BMP2: variants seen among roughly 807,000 people sequenced by gnomAD.
The protein encoded by BMP2 is bone morphogenetic protein 2A.
Under a neutral mutation model 28.8 loss-of-function variants are expected in BMP2, and 2 were observed. That is an observed-to-expected ratio of 0.07 (90% CI 0.03 to 0.22). The LOEUF (loss-of-function observed/expected upper bound fraction) is 0.22. Among genes scored for constraint, BMP2 ranks in the 10% least tolerant of loss-of-function variants. The pLI, the probability that BMP2 is intolerant of heterozygous loss-of-function variation, is 1.00. For missense variants in BMP2, 437 were observed against 517.7 expected, an observed-to-expected ratio of 0.84 and a Z score of 1.51; for synonymous variants, 218 against 204.3, an observed-to-expected ratio of 1.07 and a Z score of -0.57.
chr20:6,770,304 A>G lies in BMP2; in HGVS notation c.178A>G (p.Met60Val), dbSNP rs773113395. 6.2e-6 allele frequency: 10 copies of G among 1,613,348 alleles called. 1 individual carries two copies. The South Asian group carries it at 1.1e-4, about 18-fold the overall frequency. The stretch of plus-strand genomic sequence containing the variant: ...CGAGTTCGAGTTGCGGCTGCTCAGC[A>G]TGTTCGGCCTGAAACAGAGACCCAC... Reference protein sequence around the residue: ...LSEFELRLLSMFGLKQRPTPS... With the variant: ...LSEFELRLLSVFGLKQRPTPS... The change falls in exon 2 of 3, where the codon ATG becomes GTG. Residue 60 changes from methionine (M) to valine (V), a missense_variant. By Grantham distance (21) the Met-to-Val change is conservative. Around this residue, in one of 2 missense-constraint regions of BMP2, gnomAD observed 363 missense variants for 392.8 expected, o/e 0.92. Transcript: ENST00000378827.
At chr20:6,774,581 A>G (rs1378774173) in intron 2 of BMP2, among the ~76,000 whole-genome samples, 2 of 152,188 alleles carry the variant, frequency 1.3e-5, no homozygotes, top group African/African-American at 4.8e-5. Context: ...AGCGCAGTAG[A>G]TTCAATTATA....
rs1278829598 is a variant in BMP2 at position 6,768,785 on chromosome 20, C to T, written c.-98C>T. 1 of 398,454 alleles carries T rather than the reference C, an allele frequency of 2.5e-6. No individual in the cohort carries two copies. Among genetic ancestry groups the T allele is most frequent in the Non-Finnish European group, 4.4e-6 (1 of 226,068 alleles). The allele number at this position is 398,454 out of a possible 1,614,324, so 24.7% of individuals were successfully genotyped here. A position where few individuals can be genotyped will look rare whatever the true frequency, so the allele number is the denominator to read the frequency against. On this transcript the variant is annotated 5_prime_UTR_variant, in exon 1 of 3. Coordinates refer to ENST00000378827, the MANE Select transcript of BMP2 (RefSeq NM_001200.4). Reference sequence around the variant, plus strand: ...AAGGAACGGACATTCGGTCCTTGCGCCAGGTCCTTTGACCAGAGTTTTTCC... The same window carrying T: ...AAGGAACGGACATTCGGTCCTTGCGTCAGGTCCTTTGACCAGAGTTTTTCC...
chr20:6,777,440 G>A (rs970153187), intron 2 of BMP2, among the ~76,000 whole-genome samples: 2 of 152,032 alleles, frequency 1.3e-5, no homozygotes, highest in Non-Finnish European at 2.9e-5. Flanking sequence ...AACTATAAAG[G>A]CATTGCAAAC....
intron 2 of BMP2, among the ~76,000 whole-genome samples, chr20:6,773,433 T>C (rs1986438415): frequency 6.6e-6 from 1 of 152,250 alleles, no homozygotes; most frequent in South Asian, 2.1e-4. Context: ...AGATTGAGGC[T>C]TTGGTGTCCA....
chr20:6,768,729 C>T lies in BMP2; in HGVS notation c.-154C>T. On this transcript the variant is annotated 5_prime_UTR_variant, in exon 1 of 3. Coordinates refer to ENST00000378827, the MANE Select transcript of BMP2 (RefSeq NM_001200.4). Reference sequence around the variant, plus strand: ...CAGCGTGAAAAGAGAGACTGCGCGGCCGGCACCCGGGAGAAGGAGGAGGCA... The same window carrying T: ...CAGCGTGAAAAGAGAGACTGCGCGGTCGGCACCCGGGAGAAGGAGGAGGCA... The T allele has an allele frequency of 2.5e-6, 1 of 397,586 alleles. No homozygotes were observed. 24.6% of individuals were successfully genotyped at this position (397,586 alleles called of 1,614,324 possible).
At position 6,767,835 on chromosome 20, in the gene BMP2, A is replaced by G; in HGVS notation, c.-1048A>G. ...GCCACAGCCTCCGCCGGCTACCCGAACGTTCTCGGGGCCAGCGCCGAGTGG... is the reference window on the plus strand; with the variant it reads ...GCCACAGCCTCCGCCGGCTACCCGAGCGTTCTCGGGGCCAGCGCCGAGTGG... On this transcript the variant is annotated 5_prime_UTR_variant, in exon 1 of 3. Transcript: ENST00000378827. 2 of 339,898 alleles carry G rather than the reference A, an allele frequency of 5.9e-6. No individual in the cohort carries two copies. Among genetic ancestry groups the G allele is most frequent in the Non-Finnish European group, 5.3e-6 (1 of 189,508 alleles). 21.1% of individuals were successfully genotyped at this position (339,898 alleles called of 1,614,324 possible).
In BMP2 at chr20:6,780,205, A is replaced by G. The variant is rs1043966147; in HGVS notation, c.*1116A>G. The stretch of plus-strand genomic sequence containing the variant: ...TGTGTGTTTGAACACATTTCTCCAA[A>G]TGTTAAACCTATTTCAGATAATAAA... On this transcript the variant is annotated 3_prime_UTR_variant, in exon 3 of 3. Transcript: ENST00000378827. The G allele has an allele frequency of 3.9e-5, 6 of 152,594 alleles. No individual in the cohort carries two copies. The highest frequency in any genetic ancestry group is 5.9e-5 in the Non-Finnish European group (4 of 68,032). The allele number at this position is 152,594 out of a possible 1,614,324, so 9.5% of individuals were successfully genotyped here.
chr20:6,778,164 A>G lies in BMP2; in HGVS notation c.347-81A>G. On this transcript the variant is annotated intron_variant, in intron 2 of 2. Coordinates refer to ENST00000378827, the MANE Select transcript of BMP2 (RefSeq NM_001200.4). The surrounding 1 kb of genome is among the most constrained non-coding windows in gnomAD (Gnocchi z 5.0). ...CCCACGATGAGGTTTAAAAATTCTC[A>G]TAGATAATCAAACGTCATTACTTGG... is the stretch of plus-strand genomic sequence containing the variant. 1.3e-6 allele frequency: 2 copies of G among 1,512,416 alleles called. No homozygotes were observed. Among genetic ancestry groups the G allele is most frequent in the East Asian group, 2.3e-5 (1 of 44,026 alleles). 93.7% of individuals were successfully genotyped at this position (1,512,416 alleles called of 1,614,324 possible). A position where few individuals can be genotyped will look rare whatever the true frequency, so the allele number is the denominator to read the frequency against.
intron 2 of BMP2, among the ~76,000 whole-genome samples, chr20:6,774,807 C>T: frequency 6.6e-6 from 1 of 152,142 alleles, no homozygotes; most frequent in East Asian, 1.9e-4. Context: ...AATGTTATAG[C>T]CTTTCCTTCT....
intron 2 of BMP2, among the ~76,000 whole-genome samples, chr20:6,776,082 G>A (rs1259505323): frequency 6.6e-6 from 1 of 152,114 alleles, no homozygotes; most frequent in Non-Finnish European, 1.5e-5. Flanking sequence ...ATTACCTTCA[G>A]CAGAAACGTC....
chr20:6,774,425 C>T (rs1986459285), intron 2 of BMP2, among the ~76,000 whole-genome samples: 1 of 152,098 alleles, frequency 6.6e-6, no homozygotes, highest in African/African-American at 2.4e-5. Context: ...AATTGGGAGG[C>T]TGAGATGGGA....
intron 2 of BMP2, among the ~76,000 whole-genome samples, chr20:6,775,387 C>A (rs1250214118): frequency 1.3e-5 from 2 of 152,108 alleles, no homozygotes. Context: ...ACCTCTGTGA[C>A]CTGTTTCTGC....
In BMP2 at chr20:6,768,893, G is replaced by A. The variant is rs189454574; in HGVS notation, c.-8+18G>A. 7.5e-6 allele frequency: 3 copies of A among 398,704 alleles called. No homozygotes were observed. In the Admixed American group the frequency reaches 1.3e-4, roughly 18 times the overall value. 24.7% of individuals were successfully genotyped at this position (398,704 alleles called of 1,614,324 possible). A position where few individuals can be genotyped will look rare whatever the true frequency, so the allele number is the denominator to read the frequency against. ...TCCTAAAGGTAGAGGACGCGGGCCAGGGCCCGGGGTGGGTGGTGGGTGGGA... is the reference window on the plus strand; with the variant it reads ...TCCTAAAGGTAGAGGACGCGGGCCAAGGCCCGGGGTGGGTGGTGGGTGGGA... On this transcript the variant is annotated intron_variant, in intron 1 of 2. Coordinates refer to ENST00000378827, the MANE Select transcript of BMP2 (RefSeq NM_001200.4).
At chr20:6,773,482 GT>G (rs1428080537) in intron 2 of BMP2, among the ~76,000 whole-genome samples, 1 of 152,206 alleles carries the variant, frequency 6.6e-6, no homozygotes, top group African/African-American at 2.4e-5. Flanking sequence ...CGTTCCACCT[GT>G]TTTTTAGTGG....
chr20:6,773,195 T>C (rs1986434178), intron 2 of BMP2, among the ~76,000 whole-genome samples: 1 of 152,186 alleles, frequency 6.6e-6, no homozygotes, highest in African/African-American at 2.4e-5. Flanking sequence ...TCCACAAATA[T>C]AATTATTATG....
At chr20:6,768,980 ACCCCTCTCCAGT>A (rs1477603502) in intron 1 of BMP2, 105 bp downstream of exon 1, 1 of 395,410 alleles carries the variant, frequency 2.5e-6, no homozygotes. Context: ...AAGTAAACAG[ACCCCTCTCCAGT>A]CCACGTGCAA....
At chr20:6,777,448 A>G (rs1002047205) in intron 2 of BMP2, among the ~76,000 whole-genome samples, 5 of 152,116 alleles carry the variant, frequency 3.3e-5, no homozygotes, top group South Asian at 2.1e-4. Flanking sequence ...AGGCATTGCA[A>G]ACAGAAGACA....
rs559146682 is a variant in BMP2, at chr20:6,773,209, A to G, written c.346+2737A>G. On this transcript the variant is annotated intron_variant, in intron 2 of 2. Coordinates refer to ENST00000378827, the MANE Select transcript of BMP2 (RefSeq NM_001200.4). ...TTCCACAAATATAATTATTATGAAAATATCCATATAATAGAAAAGTTCAAG... is the reference window on the plus strand; with the variant it reads ...TTCCACAAATATAATTATTATGAAAGTATCCATATAATAGAAAAGTTCAAG... 1.1e-4 allele frequency among the ~76,000 whole-genome samples: 16 copies of G among 152,354 alleles called. 1 individual carries two copies. In the South Asian group the frequency reaches 2.7e-3, roughly 26 times the overall value.
intron 2 of BMP2, among the ~76,000 whole-genome samples, chr20:6,773,817 A>G (rs1434258777): frequency 1.3e-5 from 2 of 152,050 alleles, no homozygotes; most frequent in Non-Finnish European, 2.9e-5. Flanking sequence ...ATTTTGTGTT[A>G]GGGCAGTGAC....
Sources: allele counts gnomAD v4.1 joint callset (sites outside exome capture counted in the v4.1 genomes callset), GRCh38; gene constraint gnomAD v4.1.1; regional missense constraint gnomAD v4.1.1; non-coding constraint Gnocchi (gnomAD v3.1); transcripts MANE v1.5; gene names NCBI Gene and HGNC (gene_info 2026-07-23, HGNC 2026-07-21).